SLC36A1: variants seen among roughly 807,000 people sequenced by gnomAD.
The protein encoded by SLC36A1 is solute carrier family 36 member 1.
In SLC36A1, 30 loss-of-function variants were observed where a neutral mutation model predicts 47.5. The ratio of observed to expected loss-of-function variants is 0.63; its 90% CI spans 0.47 to 0.86. SLC36A1 has a LOEUF of 0.86. Ranked by LOEUF, SLC36A1 falls within the 40% of genes least tolerant of loss-of-function variation. The pLI is 0.00. For missense variants in SLC36A1, 517 were observed against 606.0 expected, an observed-to-expected ratio of 0.85 and a Z score of 1.54; for synonymous variants, 255 against 249.7, an observed-to-expected ratio of 1.02 and a Z score of -0.20.
At chr5:151,468,266 A>AATATATATATATATAT (rs1554113501) in intron 7 of SLC36A1, among the ~76,000 whole-genome samples, 2 of 63,816 alleles carry the variant, frequency 3.1e-5, no homozygotes, top group African/African-American at 1.8e-4. Flanking sequence ...AAAAAAAAAA[A>AATATATATATATATAT]ATATATATAT....
chr5:151,370,001 A>C, the SLC36A1 span, among the ~76,000 whole-genome samples: 1 of 151,834 alleles, frequency 6.6e-6, no homozygotes, highest in Admixed American at 6.6e-5. Context: ...GGGTTTTCCC[A>C]TGCTGGCCAG....
At chr5:151,502,335 T>A in the SLC36A1 span, among the ~76,000 whole-genome samples, 3 of 147,644 alleles carry the variant, frequency 2.0e-5, no homozygotes, top group Admixed American at 2.0e-4. Context: ...TAAAAACCTA[T>A]GCTTTGTAAA....
intron 10 of SLC36A1, among the ~76,000 whole-genome samples, chr5:151,486,427 G>C (rs1212856333): frequency 1.3e-5 from 2 of 152,194 alleles, no homozygotes; most frequent in African/African-American, 2.4e-5. Flanking sequence ...TTACTGCAGG[G>C]AGTGCTATTC....
upstream of SLC36A1, among the ~76,000 whole-genome samples, chr5:151,436,875 A>G (rs1359630337): frequency 6.6e-6 from 1 of 152,064 alleles, no homozygotes; most frequent in African/African-American, 2.4e-5. Flanking sequence ...GGGACCTGCT[A>G]GTAAGTGGCA....
the SLC36A1 span, among the ~76,000 whole-genome samples, chr5:151,530,018 A>G: frequency 6.6e-6 from 1 of 152,194 alleles, no homozygotes; most frequent in Non-Finnish European, 1.5e-5. Context: ...ACATCTTTTT[A>G]TAATTCAGTC....
the SLC36A1 span, among the ~76,000 whole-genome samples, chr5:151,381,654 C>A: frequency 3.3e-5 from 5 of 152,176 alleles, no homozygotes; most frequent in Non-Finnish European, 7.3e-5. Flanking sequence ...CTTGACAGAT[C>A]AGCTGGCACC....
the SLC36A1 span, chr5:151,540,834 T>G: frequency 1.4e-6 from 2 of 1,390,562 alleles, no homozygotes; most frequent in Non-Finnish European, 2.0e-6. Flanking sequence ...CACAGGTGGC[T>G]GCCCATTGGA....
At chr5:151,527,972 G>A in the SLC36A1 span, 20 of 1,612,534 alleles carry the variant, frequency 1.2e-5, no homozygotes, top group East Asian at 4.5e-5. Context: ...TGAGCTCAGG[G>A]TGCGCCCCTC....
At chr5:151,530,732 G>C in the SLC36A1 span, among the ~76,000 whole-genome samples, 2 of 152,194 alleles carry the variant, frequency 1.3e-5, no homozygotes, top group Middle Eastern at 3.2e-3. Flanking sequence ...ATTATACAGA[G>C]ATACACACTG....
At chr5:151,517,521 T>G in the SLC36A1 span, 1 of 1,446,024 alleles carries the variant, frequency 6.9e-7, no homozygotes, top group Middle Eastern at 2.5e-4. Flanking sequence ...CAGGGATTTC[T>G]TTGGCAGAAA....
chr5:151,554,943 G>T, the SLC36A1 span, among the ~76,000 whole-genome samples: 1 of 152,176 alleles, frequency 6.6e-6, no homozygotes, highest in Admixed American at 6.5e-5. Flanking sequence ...GACAACCCCT[G>T]GGCCATTTCT....
the SLC36A1 span, among the ~76,000 whole-genome samples, chr5:151,555,506 A>T: frequency 5.0e-4 from 75 of 150,684 alleles, no homozygotes; most frequent in Non-Finnish European, 7.1e-4. Context: ...GGTAGCTGGG[A>T]TTACAAGCAC....
chr5:151,382,757 A>G, the SLC36A1 span, among the ~76,000 whole-genome samples: 8 of 152,212 alleles, frequency 5.3e-5, no homozygotes, highest in East Asian at 1.9e-4. Flanking sequence ...GAGTGACAAC[A>G]TGAGTGAGTC....
At chr5:151,384,872 G>A in the SLC36A1 span, among the ~76,000 whole-genome samples, 8 of 152,144 alleles carry the variant, frequency 5.3e-5, no homozygotes, top group African/African-American at 4.8e-5. Flanking sequence ...TGAACAGCCA[G>A]TAGGGGACCC....
At chr5:151,517,655 G>A in the SLC36A1 span, 1 of 1,614,054 alleles carries the variant, frequency 6.2e-7, no homozygotes, top group Non-Finnish European at 8.5e-7. Context: ...TTGGTGAATA[G>A]AAGAATGGCC....
the SLC36A1 span, among the ~76,000 whole-genome samples, chr5:151,375,525 A>G: frequency 6.6e-6 from 1 of 151,870 alleles, no homozygotes; most frequent in Non-Finnish European, 1.5e-5. Flanking sequence ...TTTGCTTTGG[A>G]TGCTTTGGCT....
chr5:151,392,253 T>C, the SLC36A1 span, among the ~76,000 whole-genome samples: 1 of 152,228 alleles, frequency 6.6e-6, no homozygotes, highest in African/African-American at 2.4e-5. Context: ...TGATATCCCC[T>C]TTATCATTTT....
the SLC36A1 span, among the ~76,000 whole-genome samples, chr5:151,538,234 G>A: frequency 6.6e-5 from 10 of 152,170 alleles, no homozygotes; most frequent in Admixed American, 5.2e-4. Flanking sequence ...GAATGGAGAA[G>A]TTCTGTCATC....
At chr5:151,528,086 A>G in the SLC36A1 span, 13 of 1,614,050 alleles carry the variant, frequency 8.1e-6, no homozygotes, top group African/African-American at 2.7e-5. Flanking sequence ...CTATGAGGCT[A>G]TAGGTAATGT....
Sources: gnomAD v4.1 joint callset for allele counts (sites outside exome capture counted in the v4.1 genomes callset) on GRCh38, gnomAD v4.1.1 for gene constraint, MANE v1.5 for transcripts, NCBI Gene and HGNC (gene_info 2026-07-23, HGNC 2026-07-21) for gene names.